Variants in SUCO observed in about 807,000 individuals in gnomAD.
SUCO encodes the protein SUN domain containing ossification factor.
SUCO carries 57 observed loss-of-function variants against 148.1 expected under a neutral mutation model. The observed-to-expected ratio is 0.38, with a 90% CI of 0.31 to 0.48. The LOEUF (loss-of-function observed/expected upper bound fraction) is 0.48, where lower values mean the gene tolerates loss of function less well. Ranked by LOEUF, SUCO falls within the 20% of genes least tolerant of loss-of-function variation. SUCO has a pLI of 0.96. For missense variants in SUCO, 1,331 were observed against 1,468.2 expected (o/e 0.91, Z 1.53); for synonymous variants, 470 against 502.7 (o/e 0.93, Z 0.87).
chr1:172,568,538 G>A, intron 6 of SUCO: 3 of 723,368 alleles, frequency 4.1e-6, no homozygotes, highest in Non-Finnish European at 5.1e-6. Flanking sequence ...GTAAAGTTTT[G>A]TTTTTTCACA....
At chr1:172,537,328 A>G (rs1302153474) in intron 1 of SUCO, among the ~76,000 whole-genome samples, 1 of 152,222 alleles carries the variant, frequency 6.6e-6, no homozygotes, top group Non-Finnish European at 1.5e-5. Flanking sequence ...TCTCATTAAA[A>G]TAATAATTTT....
intron 6 of SUCO, chr1:172,568,532 A>G: frequency 1.3e-6 from 1 of 794,314 alleles, no homozygotes; most frequent in Non-Finnish European, 1.5e-6. Flanking sequence ...TAAAATGTAA[A>G]GTTTTGTTTT....
intron 1 of SUCO, 135 bp downstream of exon 1, chr1:172,533,632 A>G: frequency 1.8e-6 from 2 of 1,118,528 alleles, no homozygotes; most frequent in South Asian, 3.4e-5. Flanking sequence ...CAAACCGATT[A>G]CTTCTCGACT....
intron 22 of SUCO, among the ~76,000 whole-genome samples, chr1:172,603,402 T>C (rs576188254): frequency 1.3e-5 from 2 of 152,210 alleles, no homozygotes; most frequent in Admixed American, 1.3e-4. Context: ...ATTACATATT[T>C]TATTTAGGAG....
At chr1:172,532,974 T>G (rs1651700967), upstream of SUCO, 9 of 1,377,950 alleles carry the variant, frequency 6.5e-6, no homozygotes, top group Admixed American at 2.3e-4. Flanking sequence ...GGGCGTGGCC[T>G]GCGCAGAGGC....
intron 1 of SUCO, among the ~76,000 whole-genome samples, chr1:172,534,756 T>C (rs929150483): frequency 6.6e-6 from 1 of 152,232 alleles, no homozygotes; most frequent in South Asian, 2.1e-4. Context: ...AATTTAAATT[T>C]GTAGATACTG....
chr1:172,579,295 T>C (rs1484550839), intron 15 of SUCO, 28 bp downstream of exon 15: 1 of 1,409,228 alleles, frequency 7.1e-7, no homozygotes, highest in Non-Finnish European at 1.0e-6. Context: ...TTTCTATTCA[T>C]TCTACTACTT....
At chr1:172,546,842 G>A (rs931454202) in intron 1 of SUCO, among the ~76,000 whole-genome samples, 2 of 152,218 alleles carry the variant, frequency 1.3e-5, no homozygotes, top group African/African-American at 2.4e-5. Flanking sequence ...CCGGGAAGGG[G>A]GAGGCCGCAG....
chr1:172,586,842 G>C (rs955011389), intron 17 of SUCO, among the ~76,000 whole-genome samples: 2 of 152,108 alleles, frequency 1.3e-5, no homozygotes, highest in Non-Finnish European at 2.9e-5. Context: ...ATATTATCCT[G>C]TGTTAATCCT....
At chr1:172,582,467 A>ATAT (rs1655940031) in intron 15 of SUCO, among the ~76,000 whole-genome samples, 1 of 152,164 alleles carries the variant, frequency 6.6e-6, no homozygotes, top group Non-Finnish European at 1.5e-5. Context: ...TTAGGACCAA[A>ATAT]TATTAGGAGC....
rs563137958 is a variant in SUCO at position 172,586,066 on chromosome 1, T to A, written c.1658+118T>A. The A allele has an allele frequency of 8.4e-6, 5 of 593,076 alleles. No individual in the cohort carries two copies. In the East Asian group the frequency reaches 1.5e-4, roughly 18 times the overall value. The allele number at this position is 593,076 out of a possible 1,614,324, so 36.7% of individuals were successfully genotyped here. On this transcript the variant is annotated intron_variant, in intron 17 of 23. Coordinates refer to ENST00000263688, the MANE Select transcript of SUCO (RefSeq NM_014283.5). ...ATGATTACCTGTAGAGAGCTCTGAA[T>A]CATAGGATAGACATTCTGTGGCCAC...
At position 172,557,516 on chromosome 1, in the gene SUCO, A is replaced by C; in HGVS notation, c.581+99A>C. ...TGTATGTTAAATTCCACTTTGATTG[A>C]GAGAAAGCTGATCTCTTTGTGTTTC... On this transcript the variant is annotated intron_variant, in intron 5 of 23. Transcript: ENST00000263688. The C allele has an allele frequency of 2.0e-6, 3 of 1,519,808 alleles. No homozygotes were observed. The South Asian group carries it at 3.7e-5, about 19-fold the overall frequency. 94.1% of individuals were successfully genotyped at this position (1,519,808 alleles called of 1,614,324 possible).
Position 172,539,761 on chromosome 1 carries a change from G to A in SUCO, c.62+6264G>A, listed in dbSNP as rs967143282. ...TTGACTCTAGCTACTTTGGTAATTT[G>A]TTGAGTAGAAATAAGATGGCCTAGG... On this transcript the variant is annotated intron_variant, in intron 1 of 23. Transcript: ENST00000263688. Among the ~76,000 whole-genome samples, 9 of 152,290 alleles carry A rather than the reference G, an allele frequency of 5.9e-5. No homozygotes were observed. The East Asian group carries it at 1.7e-3, about 29-fold the overall frequency.
chr1:172,556,930 A>C (rs1460866279), intron 4 of SUCO: 17 of 975,978 alleles, frequency 1.7e-5, no homozygotes, highest in Non-Finnish European at 2.1e-5. Context: ...TTAAAATTTT[A>C]GTGAAATGTC....
At chr1:172,542,090 G>T (rs1324490281) in intron 1 of SUCO, among the ~76,000 whole-genome samples, 1 of 152,080 alleles carries the variant, frequency 6.6e-6, no homozygotes. Context: ...ATAAAATTTG[G>T]CCTGGAGTGC....
At chr1:172,609,429 C>G in intron 23 of SUCO, 1 of 915,674 alleles carries the variant, frequency 1.1e-6, no homozygotes, top group Non-Finnish European at 1.3e-6. Flanking sequence ...GGCAAAGAAC[C>G]AAACATCTGA....
At chr1:172,575,269 C>T (rs1571239621) in intron 10 of SUCO, among the ~76,000 whole-genome samples, 2 of 152,058 alleles carry the variant, frequency 1.3e-5, no homozygotes, top group Non-Finnish European at 2.9e-5. Context: ...CCTCCCAAAC[C>T]CCAAGAAGTG....
intron 19 of SUCO, among the ~76,000 whole-genome samples, chr1:172,596,326 G>A (rs1215771407): frequency 2.0e-5 from 3 of 152,194 alleles, no homozygotes; most frequent in Non-Finnish European, 4.4e-5. Context: ...TCTGTTGCTG[G>A]CGAGGAGCTG....
chr1:172,550,314 A>T (rs763146129), intron 1 of SUCO, among the ~76,000 whole-genome samples: 42 of 152,162 alleles, frequency 2.8e-4, no homozygotes, highest in Middle Eastern at 6.8e-3. Context: ...GGATTGTCAA[A>T]TATTGGCAAT....
Sources: gnomAD v4.1 joint callset for allele counts (sites outside exome capture counted in the v4.1 genomes callset) on GRCh38, gnomAD v4.1.1 for gene constraint, MANE v1.5 for transcripts, NCBI Gene and HGNC (gene_info 2026-07-23, HGNC 2026-07-21) for gene names.